The following LAYN variants were observed in gnomAD, a reference collection of about 807,000 sequenced individuals.
The protein encoded by LAYN is layilin.
In LAYN, 38 loss-of-function variants were observed where a neutral mutation model predicts 43.6. The observed-to-expected ratio is 0.87, with a 90% CI of 0.67 to 1.14. LAYN has a LOEUF of 1.14. LAYN is among the 50% of genes most tolerant of loss of function. LAYN has a pLI of 0.00. For missense variants in LAYN, 479 were observed against 463.8 expected (o/e 1.03, Z -0.30); for synonymous variants, 168 against 172.9 (o/e 0.97, Z 0.22).
At chr11:111,544,758 G>C (rs1867618503) in intron 2 of LAYN, among the ~76,000 whole-genome samples, 1 of 152,084 alleles carries the variant, frequency 6.6e-6, no homozygotes, top group Non-Finnish European at 1.5e-5. Flanking sequence ...GAAATGCAAT[G>C]ACATAGACAA....
intron 1 of LAYN, among the ~76,000 whole-genome samples, chr11:111,541,167 C>G (rs1040979970): frequency 1.3e-5 from 2 of 152,246 alleles, no homozygotes; most frequent in African/African-American, 4.8e-5. Context: ...GAAGCCCGTT[C>G]CCAGTCCAGA....
Position 111,554,452 on chromosome 11 carries a change from C to T in LAYN, c.542-109C>T, listed in dbSNP as rs529187491. On this transcript the variant is annotated intron_variant, in intron 3 of 6. Transcript: ENST00000375614. ...TCTGATAACAACAAATAAAGTTTAT[C>T]GGAGGAATGAATCAGCAAATAAATG... The T allele has an allele frequency of 4.7e-4, 395 of 837,472 alleles. 1 individual carries two copies. Among genetic ancestry groups the T allele is most frequent in the Middle Eastern group, 1.3e-3 (5 of 3,714 alleles). 51.9% of individuals were successfully genotyped at this position (837,472 alleles called of 1,614,324 possible).
intron 2 of LAYN, among the ~76,000 whole-genome samples, chr11:111,545,074 A>ATATATATATATATATATATATTTTTT (rs1170875315): frequency 2.7e-5 from 4 of 148,390 alleles, no homozygotes; most frequent in African/African-American, 1.0e-4. Flanking sequence ...ATATATATAT[A>ATATATATATATATATATATATTTTTT]TTTTTTACCT....
chr11:111,545,001 T>G (rs901784711), intron 2 of LAYN, among the ~76,000 whole-genome samples: 5 of 151,516 alleles, frequency 3.3e-5, no homozygotes. Flanking sequence ...GAATGAAGAT[T>G]TTAAAATATA....
chr11:111,559,779 T>G lies in LAYN; in HGVS notation c.762-316T>G, dbSNP rs561284317. On this transcript the variant is annotated intron_variant, in intron 6 of 6. Transcript: ENST00000375614. Reference sequence around the variant, plus strand: ...CAGCTGAGGTGTTTTTTTGTTTTTTTGGGTTTTTTTTGTAATGTGGTATTT... The same window carrying G: ...CAGCTGAGGTGTTTTTTTGTTTTTTGGGGTTTTTTTTGTAATGTGGTATTT... Among the ~76,000 whole-genome samples, 83 of 152,106 alleles carry G rather than the reference T, an allele frequency of 5.5e-4. 1 individual carries two copies. Among genetic ancestry groups the G allele is most frequent in the Non-Finnish European group, 8.1e-4 (55 of 67,976 alleles).
chr11:111,552,742 T>C (rs1212758671), intron 3 of LAYN, among the ~76,000 whole-genome samples: 4 of 152,226 alleles, frequency 2.6e-5, no homozygotes, highest in Non-Finnish European at 4.4e-5. Flanking sequence ...ATCATGTTAT[T>C]ACGTATTCCA....
intron 3 of LAYN, chr11:111,551,390 A>G: frequency 2.2e-6 from 1 of 456,232 alleles, no homozygotes; most frequent in South Asian, 1.5e-5. Flanking sequence ...CAGTTTATAG[A>G]CCTCAACCTC....
chr11:111,544,432 C>T (rs1867611192), intron 2 of LAYN, among the ~76,000 whole-genome samples: 1 of 152,212 alleles, frequency 6.6e-6, no homozygotes, highest in African/African-American at 2.4e-5. Flanking sequence ...GAACTCTGTT[C>T]AGGTGAGTGC....
chr11:111,548,122 T>A (rs1035726362), intron 2 of LAYN, among the ~76,000 whole-genome samples: 5 of 152,220 alleles, frequency 3.3e-5, no homozygotes, highest in African/African-American at 1.2e-4. Flanking sequence ...CCCATTCTAA[T>A]GGGTAGCTTT....
At chr11:111,541,708 C>T (rs1867543554) in intron 1 of LAYN, 1 of 823,244 alleles carries the variant, frequency 1.2e-6, no homozygotes. Flanking sequence ...ACAGAGGAGA[C>T]TGGGAACCTC....
At chr11:111,557,133 T>C (rs994077654) in intron 5 of LAYN, among the ~76,000 whole-genome samples, 5 of 152,008 alleles carry the variant, frequency 3.3e-5, no homozygotes, top group Middle Eastern at 3.4e-3. Flanking sequence ...CAGCGGCCCC[T>C]GCTTTACTAA....
At chr11:111,554,353 AC>A (rs1197999546) in intron 3 of LAYN, among the ~76,000 whole-genome samples, 1 of 152,216 alleles carries the variant, frequency 6.6e-6, no homozygotes, top group African/African-American at 2.4e-5. Flanking sequence ...ACAAAAAAGC[AC>A]CAAAATAAAG....
At chr11:111,557,431 G>T in intron 5 of LAYN, 110 bp from the exon 6 acceptor site, 2 of 798,032 alleles carry the variant, frequency 2.5e-6, no homozygotes, top group South Asian at 1.5e-5. Context: ...TAATAGATTT[G>T]GGGGTACAAG....
At chr11:111,548,662 C>T (rs975226218) in intron 2 of LAYN, among the ~76,000 whole-genome samples, 5 of 152,180 alleles carry the variant, frequency 3.3e-5, no homozygotes, top group Admixed American at 6.5e-5. Context: ...TGTGGCGCTA[C>T]AGGGAGAGCT....
intron 5 of LAYN, among the ~76,000 whole-genome samples, chr11:111,555,617 A>T (rs890851257): frequency 1.2e-4 from 18 of 152,178 alleles, no homozygotes; most frequent in Non-Finnish European, 2.2e-4. Context: ...GAGCAGAAAG[A>T]CCCAAGCTGT....
At chr11:111,555,750 GA>G (rs1867827204) in intron 5 of LAYN, among the ~76,000 whole-genome samples, 1 of 152,192 alleles carries the variant, frequency 6.6e-6, no homozygotes, top group African/African-American at 2.4e-5. Flanking sequence ...AGTGCTAATG[GA>G]TTTCAAACTC....
At chr11:111,555,599 A>G (rs1051296753) in intron 5 of LAYN, among the ~76,000 whole-genome samples, 3 of 152,218 alleles carry the variant, frequency 2.0e-5, no homozygotes, top group Admixed American at 6.5e-5. Context: ...GAAAATGTAG[A>G]GAAATAAGAG....
At chr11:111,552,409 C>T (rs923174564) in intron 3 of LAYN, among the ~76,000 whole-genome samples, 3 of 152,204 alleles carry the variant, frequency 2.0e-5, no homozygotes, top group Non-Finnish European at 4.4e-5. Context: ...GGGAAGCTCA[C>T]TCCTGTGGTT....
At position 111,560,824 on chromosome 11, in the gene LAYN, A is replaced by G. The variant is rs915227872; in HGVS notation, c.*366A>G. 4 of 196,178 alleles carry G rather than the reference A, an allele frequency of 2.0e-5. No individual in the cohort carries two copies. The highest frequency in any genetic ancestry group is 7.0e-5 in the African/African-American group (3 of 42,814). The allele number at this position is 196,178 out of a possible 1,614,324, so 12.2% of individuals were successfully genotyped here. A position where few individuals can be genotyped will look rare whatever the true frequency, so the allele number is the denominator to read the frequency against. ...CTCTGTTTTCCTTGCTCTATACAGC[A>G]GCACATATTATCATACAGACAGAAA... On this transcript the variant is annotated 3_prime_UTR_variant, in exon 7 of 7. Transcript: ENST00000375614.
Sources: allele counts gnomAD v4.1 joint callset (sites outside exome capture counted in the v4.1 genomes callset), GRCh38; gene constraint gnomAD v4.1.1; transcripts MANE v1.5; gene names NCBI Gene and HGNC (gene_info 2026-07-23, HGNC 2026-07-21).